The following PDE1A variants were observed in gnomAD, a reference collection of about 807,000 sequenced individuals.
PDE1A encodes the protein dual specificity calcium/calmodulin-dependent 3',5'-cyclic nucleotide phosphodiesterase 1A.
In PDE1A, 35 loss-of-function variants were observed where a neutral mutation model predicts 61.7. That is an observed-to-expected ratio of 0.57 (90% confidence interval 0.43 to 0.75). PDE1A has a LOEUF of 0.75. Among genes scored for constraint, PDE1A ranks in the 30% least tolerant of loss-of-function variants. PDE1A has a pLI of 0.00. For synonymous variants in PDE1A, 232 were observed against 213.2 expected, an observed-to-expected ratio of 1.09 and a Z score of -0.77; for missense variants, 597 against 630.6, an observed-to-expected ratio of 0.95 and a Z score of 0.57.
intron 1 of PDE1A, among the ~76,000 whole-genome samples, chr2:182,356,080 C>T (rs1039631623): frequency 6.6e-6 from 1 of 152,062 alleles, no homozygotes; most frequent in Admixed American, 6.6e-5. Flanking sequence ...CTGCTGAGTG[C>T]TGATAATAAA....
At chr2:182,436,758 A>G (rs1183309166) in intron 2 of PDE1A, among the ~76,000 whole-genome samples, 2 of 151,926 alleles carry the variant, frequency 1.3e-5, no homozygotes, top group Non-Finnish European at 2.9e-5. Context: ...TTCACACTCA[A>G]GGCAACTAGA....
At chr2:182,513,036 T>C (rs1689904778) in intron 2 of PDE1A, among the ~76,000 whole-genome samples, 1 of 152,176 alleles carries the variant, frequency 6.6e-6, no homozygotes, top group African/African-American at 2.4e-5. Context: ...TTGAGAATAT[T>C]GCTCACAAAA....
chr2:182,668,117 A>G, the PDE1A span, among the ~76,000 whole-genome samples: 27 of 152,302 alleles, frequency 1.8e-4, no homozygotes, highest in African/African-American at 5.5e-4. Context: ...TCAGTATAGC[A>G]TGGCTGAGAG....
the PDE1A span, among the ~76,000 whole-genome samples, chr2:182,678,693 G>A: frequency 6.0e-3 from 918 of 152,214 alleles, 14 homozygotes; most frequent in African/African-American, 0.021. Context: ...AAACTAGGAT[G>A]TTGTTTACTA....
At chr2:182,426,678 C>T in exon 1 of PDE1A, 1 of 1,612,078 alleles carries the variant, frequency 6.2e-7, no homozygotes, top group South Asian at 1.1e-5. Flanking sequence ...CCAGAAACTC[C>T]AGAGAGGAAA....
At chr2:182,408,465 C>T (rs758387087) in intron 1 of PDE1A, among the ~76,000 whole-genome samples, 2 of 152,192 alleles carry the variant, frequency 1.3e-5, no homozygotes, top group Non-Finnish European at 2.9e-5. Context: ...CTTCACATAT[C>T]AAGTGCTTAT....
chr2:182,293,488 T>G (rs1160836155), intron 1 of PDE1A, among the ~76,000 whole-genome samples: 1 of 151,990 alleles, frequency 6.6e-6, no homozygotes, highest in Non-Finnish European at 1.5e-5. Context: ...AACACATATT[T>G]GAAGGAAAAA....
chr2:182,544,007 T>A, the PDE1A span, among the ~76,000 whole-genome samples: 1 of 152,214 alleles, frequency 6.6e-6, no homozygotes, highest in African/African-American at 2.4e-5. Flanking sequence ...ATATTGAATG[T>A]CTTTGGTGAA....
chr2:182,576,537 A>C, the PDE1A span, among the ~76,000 whole-genome samples: 1 of 152,166 alleles, frequency 6.6e-6, no homozygotes, highest in Non-Finnish European at 1.5e-5. Flanking sequence ...CAGTGTACAA[A>C]TATTTCTTCA....
chr2:182,565,760 A>G, the PDE1A span, among the ~76,000 whole-genome samples: 1,522 of 152,252 alleles, frequency 1.0e-2, 21 homozygotes, highest in African/African-American at 0.034. Context: ...CTGAAACATG[A>G]AACAATCCAC....
intron 1 of PDE1A, among the ~76,000 whole-genome samples, chr2:182,417,220 C>T (rs1187470099): frequency 6.6e-6 from 1 of 152,226 alleles, no homozygotes; most frequent in Non-Finnish European, 1.5e-5. Flanking sequence ...TGTTATACCA[C>T]TTTGCTAATG....
chr2:182,226,011 G>A (rs1336789296), intron 6 of PDE1A, among the ~76,000 whole-genome samples: 3 of 149,572 alleles, frequency 2.0e-5, no homozygotes, highest in Non-Finnish European at 2.9e-5. Flanking sequence ...ATGAAACTAT[G>A]GAACTAAACA....
At chr2:182,665,408 G>T in the PDE1A span, among the ~76,000 whole-genome samples, 12 of 152,178 alleles carry the variant, frequency 7.9e-5, no homozygotes, top group South Asian at 6.2e-4. Flanking sequence ...AGTGGACAAA[G>T]GACATGAACA....
At chr2:182,687,534 C>T in the PDE1A span, among the ~76,000 whole-genome samples, 2 of 152,114 alleles carry the variant, frequency 1.3e-5, no homozygotes, top group Non-Finnish European at 1.5e-5. Flanking sequence ...CCCATCTGTA[C>T]GTCACCAATA....
chr2:182,275,790 T>C (rs538933149), intron 1 of PDE1A, among the ~76,000 whole-genome samples: 2 of 152,264 alleles, frequency 1.3e-5, no homozygotes, highest in Middle Eastern at 3.4e-3. Flanking sequence ...TATTGAAACA[T>C]TGCCTATGTA....
At chr2:182,313,446 C>G (rs833118) in intron 1 of PDE1A, among the ~76,000 whole-genome samples, 36,165 of 151,984 alleles carry the variant, frequency 0.24, 4,579 homozygotes, top group Middle Eastern at 0.4. Context: ...CGGCTTTCTA[C>G]ATAGGCAATC....
At chr2:182,511,472 A>C (rs1689783995) in intron 2 of PDE1A, among the ~76,000 whole-genome samples, 1 of 152,182 alleles carries the variant, frequency 6.6e-6, no homozygotes, top group African/African-American at 2.4e-5. Context: ...TCCTAGCTGC[A>C]GGAGACCCCA....
At chr2:182,520,963 A>G (rs537065238) in intron 2 of PDE1A, among the ~76,000 whole-genome samples, 18 of 152,138 alleles carry the variant, frequency 1.2e-4, no homozygotes, top group Admixed American at 5.9e-4. Flanking sequence ...TAAATCTTCA[A>G]TGGATCTTAG....
At chr2:182,491,067 C>T (rs1055040153) in intron 2 of PDE1A, among the ~76,000 whole-genome samples, 4 of 152,098 alleles carry the variant, frequency 2.6e-5, no homozygotes, top group African/African-American at 9.7e-5. Context: ...GCAGTTTTCG[C>T]CATTACTTTT....
Sources: allele counts gnomAD v4.1 joint callset (sites outside exome capture counted in the v4.1 genomes callset), GRCh38; gene constraint gnomAD v4.1.1; transcripts MANE v1.5; gene names NCBI Gene and HGNC (gene_info 2026-07-23, HGNC 2026-07-21).